The following KCNH8 variants were observed in gnomAD, a reference collection of about 807,000 sequenced individuals.
The protein encoded by KCNH8 is voltage-gated delayed rectifier potassium channel KCNH8.
In KCNH8, 70 loss-of-function variants were observed where a neutral mutation model predicts 103.6. The ratio of observed to expected loss-of-function variants is 0.68; its 90% CI spans 0.56 to 0.82. The LOEUF (loss-of-function observed/expected upper bound fraction) is 0.82, where lower values mean the gene tolerates loss of function less well. KCNH8 is among the 40% of genes least tolerant of loss of function. KCNH8 has a pLI of 0.00. For synonymous variants in KCNH8, 498 were observed against 489.4 expected, an observed-to-expected ratio of 1.02 and a Z score of -0.23; for missense variants, 1,217 against 1,329.9, an observed-to-expected ratio of 0.92 and a Z score of 1.32.
chr3:19,253,652 A>G lies in KCNH8; in HGVS notation c.77-2A>G. 6.2e-7 allele frequency: 1 copy of G among 1,606,168 alleles called. No individual in the cohort carries two copies. Among genetic ancestry groups the G allele is most frequent in the Non-Finnish European group, 8.5e-7 (1 of 1,173,460 alleles). On this transcript the variant is annotated splice_acceptor_variant, in intron 1 of 15. Transcript: ENST00000328405. LOFTEE classifies it high-confidence loss of function. ...GAGTATCTTCTCCTTGTTTTTCTAT[A>G]GATAGCAACTTCATCCTTGCCAATG...
At chr3:19,372,889 G>T (rs79207419) in intron 5 of KCNH8, among the ~76,000 whole-genome samples, 7,662 of 151,960 alleles carry the variant, frequency 0.05, 255 homozygotes, top group East Asian at 0.13. Flanking sequence ...TTTGTCTTTG[G>T]CTCATTTATA....
chr3:19,167,419 T>C (rs982672301), intron 1 of KCNH8, among the ~76,000 whole-genome samples: 1 of 152,248 alleles, frequency 6.6e-6, no homozygotes, highest in African/African-American at 2.4e-5. Flanking sequence ...AATCATTTTA[T>C]AAAATGAAGA....
chr3:19,476,762 AATG>A (rs1165220649), intron 11 of KCNH8, among the ~76,000 whole-genome samples: 2 of 152,008 alleles, frequency 1.3e-5, no homozygotes, highest in Admixed American at 1.3e-4. Flanking sequence ...TTCCTTCTAG[AATG>A]ATATGAGCCA....
intron 15 of KCNH8, among the ~76,000 whole-genome samples, chr3:19,528,158 A>T (rs185112900): frequency 6.6e-6 from 1 of 152,216 alleles, no homozygotes; most frequent in East Asian, 1.9e-4. Flanking sequence ...ATAAACAAAT[A>T]AGAATGTATA....
chr3:19,502,042 T>C (rs2068596237), intron 11 of KCNH8, among the ~76,000 whole-genome samples: 1 of 150,668 alleles, frequency 6.6e-6, no homozygotes, highest in African/African-American at 2.4e-5. Context: ...CAGCCCAAAA[T>C]CTCCTTAAGC....
intron 6 of KCNH8, among the ~76,000 whole-genome samples, chr3:19,394,464 C>CT (rs1208576184): frequency 6.6e-6 from 1 of 150,394 alleles, no homozygotes; most frequent in African/African-American, 2.4e-5. Context: ...CTAAGCATGT[C>CT]TGAGAGAGCG....
rs923221164 is a variant in KCNH8 at position 19,332,089 on chromosome 3, G to T, written c.443-10498G>T. ...TTTTTCACATACACTTCACGTGTGT[G>T]AACTAAACTGACTCAAGATTTCAGG... On this transcript the variant is annotated intron_variant, in intron 3 of 15. Coordinates refer to ENST00000328405, the MANE Select transcript of KCNH8 (RefSeq NM_144633.3). Among the ~76,000 whole-genome samples, 3 of 146,590 alleles carry T rather than the reference G, an allele frequency of 2.0e-5. No homozygotes were observed. In the South Asian group the frequency reaches 6.4e-4, roughly 31 times the overall value.
At chr3:19,472,089 G>C (rs1017600412) in intron 11 of KCNH8, among the ~76,000 whole-genome samples, 4 of 151,984 alleles carry the variant, frequency 2.6e-5, no homozygotes, top group African/African-American at 9.7e-5. Context: ...ATTTCCTTGA[G>C]AACAGTTACT....
At chr3:19,245,206 A>C (rs2064189164) in intron 1 of KCNH8, among the ~76,000 whole-genome samples, 2 of 152,198 alleles carry the variant, frequency 1.3e-5, no homozygotes, top group Non-Finnish European at 2.9e-5. Flanking sequence ...CCATTTATTA[A>C]ATAGGGGAGT....
At chr3:19,309,191 A>T (rs565553092) in intron 3 of KCNH8, among the ~76,000 whole-genome samples, 39 of 152,016 alleles carry the variant, frequency 2.6e-4, no homozygotes, top group Admixed American at 5.3e-4. Flanking sequence ...TGTTTTCTTT[A>T]CCAGAGACCC....
chr3:19,154,841 T>G lies in KCNH8; in HGVS notation c.76+6046T>G, dbSNP rs367741633. Among the ~76,000 whole-genome samples, 12 of 152,272 alleles carry G rather than the reference T, an allele frequency of 7.9e-5. No homozygotes were observed. In the South Asian group the frequency reaches 2.3e-3, roughly 29 times the overall value. On this transcript the variant is annotated intron_variant, in intron 1 of 15. Coordinates refer to ENST00000328405, the MANE Select transcript of KCNH8 (RefSeq NM_144633.3). The stretch of plus-strand genomic sequence containing the variant: ...TTGGAGAAATCCCAACAGTAAAAGG[T>G]AAAGAGTTGGAACTGCTGCAAAGAT...
At chr3:19,502,349 A>C (rs1342281574) in intron 11 of KCNH8, among the ~76,000 whole-genome samples, 2 of 150,698 alleles carry the variant, frequency 1.3e-5, no homozygotes, top group African/African-American at 2.4e-5. Context: ...CATACTGCCC[A>C]AGGTAATTTA....
Position 19,331,419 on chromosome 3 carries a change from G to A in KCNH8, c.443-11168G>A, listed in dbSNP as rs1458463381. Among the ~76,000 whole-genome samples, 3 of 152,058 alleles carry A rather than the reference G, an allele frequency of 2.0e-5. No individual in the cohort carries two copies. In the East Asian group the frequency reaches 5.8e-4, roughly 29 times the overall value. On this transcript the variant is annotated intron_variant, in intron 3 of 15. Transcript: ENST00000328405. The stretch of plus-strand genomic sequence containing the variant: ...TGATTCTCCTGCCTCAGCCTCCAGA[G>A]TAGCTGGGCCTACAGGTGTGTGTCA...
intron 1 of KCNH8, among the ~76,000 whole-genome samples, chr3:19,222,351 T>G (rs1327872741): frequency 6.6e-6 from 1 of 152,196 alleles, no homozygotes; most frequent in Admixed American, 6.5e-5. Flanking sequence ...CTGAATGCCT[T>G]TATTCTACAT....
At chr3:19,486,279 G>A (rs1272018281) in intron 11 of KCNH8, among the ~76,000 whole-genome samples, 1 of 152,240 alleles carries the variant, frequency 6.6e-6, no homozygotes, top group South Asian at 2.1e-4. Flanking sequence ...GTGGGATTTA[G>A]GTTGTTACAG....
intron 3 of KCNH8, among the ~76,000 whole-genome samples, chr3:19,305,845 C>A (rs549699129): frequency 1.3e-5 from 2 of 151,614 alleles, no homozygotes; most frequent in African/African-American, 2.4e-5. Flanking sequence ...TGCTGCAAAA[C>A]GAAGAGATGG....
chr3:19,272,192 A>G (rs1481276558), intron 2 of KCNH8, among the ~76,000 whole-genome samples: 1 of 152,038 alleles, frequency 6.6e-6, no homozygotes, highest in Non-Finnish European at 1.5e-5. Flanking sequence ...TGGTTTGCCC[A>G]TTCCTCCAGT....
rs559463547 is a variant in KCNH8 at position 19,332,072 on chromosome 3, A to G, written c.443-10515A>G. On this transcript the variant is annotated intron_variant, in intron 3 of 15. Transcript: ENST00000328405. ...ACGTTAGTTTTTTTTTTTTTTTCAC[A>G]TACACTTCACGTGTGTGAACTAAAC... is the stretch of plus-strand genomic sequence containing the variant. Among the ~76,000 whole-genome samples the G allele has an allele frequency of 6.8e-5, 10 of 147,954 alleles. No individual in the cohort carries two copies. In the East Asian group the frequency reaches 1.4e-3, roughly 20 times the overall value.
At chr3:19,402,445 A>G (rs2066627191) in intron 7 of KCNH8, among the ~76,000 whole-genome samples, 1 of 151,934 alleles carries the variant, frequency 6.6e-6, no homozygotes, top group Non-Finnish European at 1.5e-5. Context: ...GCCTACTTAG[A>G]AAATCACTGG....
Sources: allele counts gnomAD v4.1 joint callset (sites outside exome capture counted in the v4.1 genomes callset), GRCh38; gene constraint gnomAD v4.1.1; transcripts MANE v1.5; gene names NCBI Gene and HGNC (gene_info 2026-07-23, HGNC 2026-07-21).